The following SOX6 variants were observed in gnomAD, a reference collection of about 807,000 sequenced individuals.
SOX6 encodes the protein transcription factor SOX-6.
SOX6 carries 11 observed loss-of-function variants against 97.8 expected under a neutral mutation model. The ratio of observed to expected loss-of-function variants is 0.11; its 90% CI spans 0.07 to 0.19. The LOEUF is 0.19. Among genes scored for constraint, SOX6 ranks in the 10% least tolerant of loss-of-function variants. The pLI is 1.00. For synonymous variants in SOX6, 360 were observed against 371.4 expected, an observed-to-expected ratio of 0.97 and a Z score of 0.35; for missense variants, 810 against 1,039.5, an observed-to-expected ratio of 0.78 and a Z score of 3.04.
At chr11:16,421,869 T>A (rs1042161527) in intron 1 of SOX6, among the ~76,000 whole-genome samples, 1 of 152,240 alleles carries the variant, frequency 6.6e-6, no homozygotes, top group African/African-American at 2.4e-5. Flanking sequence ...TTGCCCAACT[T>A]ACTTTCCAAC....
chr11:16,509,285 C>T (rs888304177), intron 4 of SOX6, among the ~76,000 whole-genome samples: 4 of 151,668 alleles, frequency 2.6e-5, no homozygotes, highest in Admixed American at 2.6e-4. Context: ...TATTATTTAA[C>T]CTTCTTAATA....
chr11:16,507,284 T>G (rs1386835523), intron 4 of SOX6, among the ~76,000 whole-genome samples: 1 of 152,046 alleles, frequency 6.6e-6, no homozygotes, highest in Non-Finnish European at 1.5e-5. Flanking sequence ...TTTCCCAATT[T>G]CAGGTATTTC....
chr11:16,354,303 A>T, intron 1 of SOX6, among the ~76,000 whole-genome samples: 1 of 152,042 alleles, frequency 6.6e-6, no homozygotes, highest in East Asian at 1.9e-4. Context: ...TGACAGAAAA[A>T]TGGTTTGACT....
chr11:16,565,424 T>C (rs982831586), intron 4 of SOX6, among the ~76,000 whole-genome samples: 2 of 151,864 alleles, frequency 1.3e-5, no homozygotes, highest in African/African-American at 4.8e-5. Flanking sequence ...AAGGAAACAC[T>C]ACCCAATTTG....
chr11:16,732,415 G>T (rs953387488), intron 2 of SOX6, among the ~76,000 whole-genome samples: 1 of 152,038 alleles, frequency 6.6e-6, no homozygotes, highest in Non-Finnish European at 1.5e-5. Context: ...CAGAACAGAG[G>T]CTTCTGAAAT....
At chr11:16,106,902 G>A (rs1849101883) in intron 7 of SOX6, among the ~76,000 whole-genome samples, 1 of 151,776 alleles carries the variant, frequency 6.6e-6, no homozygotes, top group African/African-American at 2.4e-5. Flanking sequence ...AACAACAAAA[G>A]CCCAACTCAA....
chr11:16,130,444 T>C (rs1283355629), intron 6 of SOX6, among the ~76,000 whole-genome samples: 1 of 151,978 alleles, frequency 6.6e-6, no homozygotes, highest in Non-Finnish European at 1.5e-5. Flanking sequence ...CAAAATAGCA[T>C]ATCATACACC....
intron 6 of SOX6, among the ~76,000 whole-genome samples, chr11:16,149,276 C>T (rs1230821138): frequency 1.3e-5 from 2 of 152,046 alleles, no homozygotes; most frequent in Admixed American, 1.3e-4. Flanking sequence ...TGCTGATTTT[C>T]CTAGAGAGAT....
chr11:16,189,649 C>T (rs962501704), intron 4 of SOX6, among the ~76,000 whole-genome samples: 5 of 151,894 alleles, frequency 3.3e-5, no homozygotes, highest in Non-Finnish European at 7.4e-5. Flanking sequence ...AAGTATTTTA[C>T]GAAATGAGTG....
At chr11:16,451,688 C>T (rs1376448264) in intron 1 of SOX6, among the ~76,000 whole-genome samples, 2 of 152,150 alleles carry the variant, frequency 1.3e-5, no homozygotes, top group African/African-American at 4.8e-5. Flanking sequence ...CCTGCTGAAG[C>T]AGTCCATCAT....
At chr11:16,392,344 T>C (rs1303676138) in intron 1 of SOX6, among the ~76,000 whole-genome samples, 2 of 152,136 alleles carry the variant, frequency 1.3e-5, no homozygotes, top group Admixed American at 6.5e-5. Flanking sequence ...TAGTCCACTA[T>C]ATGCCAGGCA....
chr11:16,293,807 TC>T (rs1279128771), intron 3 of SOX6, among the ~76,000 whole-genome samples: 2 of 152,026 alleles, frequency 1.3e-5, no homozygotes, highest in African/African-American at 2.4e-5. Context: ...ATTTTATTTC[TC>T]ATATCCAAGA....
At chr11:16,185,530 C>T (rs546714737) in intron 5 of SOX6, among the ~76,000 whole-genome samples, 2 of 152,182 alleles carry the variant, frequency 1.3e-5, no homozygotes, top group Non-Finnish European at 2.9e-5. Context: ...GGTACATAAG[C>T]GCCATGTGGC....
At chr11:16,192,747 T>C (rs1277854198) in intron 4 of SOX6, among the ~76,000 whole-genome samples, 18 of 152,080 alleles carry the variant, frequency 1.2e-4, no homozygotes, top group Admixed American at 4.6e-4. Context: ...CATGAAAAAT[T>C]AAAATAAAAA....
intron 6 of SOX6, among the ~76,000 whole-genome samples, chr11:16,120,109 T>TC (rs1419731415): frequency 6.7e-5 from 10 of 149,816 alleles, no homozygotes; most frequent in African/African-American, 2.5e-4. Flanking sequence ...TTATTCTCTC[T>TC]CCCCCCACCC....
intron 15 of SOX6, among the ~76,000 whole-genome samples, chr11:15,976,732 T>A (rs531439441): frequency 3.3e-5 from 5 of 152,268 alleles, no homozygotes; most frequent in African/African-American, 1.2e-4. Context: ...AAGAAATGTT[T>A]AAAAAGAAAA....
At chr11:16,325,566 T>C (rs1404957783) in intron 2 of SOX6, among the ~76,000 whole-genome samples, 1 of 152,168 alleles carries the variant, frequency 6.6e-6, no homozygotes, top group Non-Finnish European at 1.5e-5. Flanking sequence ...TTCTTGAAGA[T>C]GTCGAGAGAG....
intron 2 of SOX6, among the ~76,000 whole-genome samples, chr11:16,723,401 G>A (rs1201468735): frequency 6.6e-6 from 1 of 152,046 alleles, no homozygotes; most frequent in African/African-American, 2.4e-5. Context: ...CCTGGGTGAT[G>A]AGATAATATG....
intron 10 of SOX6, among the ~76,000 whole-genome samples, chr11:16,054,221 T>C (rs1847756863): frequency 6.6e-6 from 1 of 152,154 alleles, no homozygotes; most frequent in East Asian, 1.9e-4. Context: ...AAATGACTTA[T>C]TTATGTTAAA....
Sources: allele counts gnomAD v4.1 joint callset (sites outside exome capture counted in the v4.1 genomes callset), GRCh38; gene constraint gnomAD v4.1.1; transcripts MANE v1.5; gene names NCBI Gene and HGNC (gene_info 2026-07-23, HGNC 2026-07-21).